The following MFNG variants were observed in gnomAD, a reference collection of about 807,000 sequenced individuals.
MFNG encodes beta-1,3-N-acetylglucosaminyltransferase manic fringe.
MFNG carries 24 observed loss-of-function variants against 34.2 expected under a neutral mutation model. The observed-to-expected ratio is 0.70, with a 90% CI of 0.51 to 0.99. MFNG has a LOEUF of 0.99. MFNG is among the 50% of genes least tolerant of loss of function. The pLI, the probability that MFNG is intolerant of heterozygous loss-of-function variation, is 0.00. For synonymous variants in MFNG, 158 were observed against 179.2 expected (o/e 0.88, Z 0.94); for missense variants, 383 against 424.0 (o/e 0.90, Z 0.85).
chr22:37,485,103 GC>G lies in MFNG; in HGVS notation c.255+819del, dbSNP rs1922481899. 6.6e-6 allele frequency among the ~76,000 whole-genome samples: 1 copy of G among 151,894 alleles called. No individual in the cohort carries two copies. The highest frequency in any genetic ancestry group is 1.5e-5 in the Non-Finnish European group (1 of 67,982). The stretch of plus-strand genomic sequence containing the variant: ...GAGGGAAAGGGCTGGAAGGGACTTG[GC>G]TCGCCGGAGCCGCACAGCCATGTGA... On this transcript the variant is annotated intron_variant, in intron 1 of 7. Transcript: ENST00000356998. This position sits in a 1 kb window ranked among gnomAD's most constrained non-coding sequence, Gnocchi z 5.3.
intron 5 of MFNG, among the ~76,000 whole-genome samples, chr22:37,475,315 C>T (rs565961511): frequency 1.3e-5 from 2 of 152,314 alleles, no homozygotes; most frequent in South Asian, 4.1e-4. Flanking sequence ...TCTCCGCCTC[C>T]TGGGTTTAAG....
At position 37,474,379 on chromosome 22, in the gene MFNG, T is replaced by G. The variant is rs183435363; in HGVS notation, c.813+133A>C. ...GCCACCCTAGGCCTCAGTTTCCCCATCAATAGGGAATACCCAAGACCCATA... is the reference window on the plus strand; with the variant it reads ...GCCACCCTAGGCCTCAGTTTCCCCAGCAATAGGGAATACCCAAGACCCATA... On this transcript the variant is annotated intron_variant, in intron 6 of 7. Coordinates refer to ENST00000356998, the MANE Select transcript of MFNG (RefSeq NM_002405.4). 3 of 1,079,322 alleles carry G rather than the reference T, an allele frequency of 2.8e-6. No individual in the cohort carries two copies. In the African/African-American group the frequency reaches 4.8e-5, roughly 17 times the overall value. 66.9% of individuals were successfully genotyped at this position (1,079,322 alleles called of 1,614,324 possible).
At position 37,485,893 on chromosome 22, in the gene MFNG, C is replaced by T; in HGVS notation, c.255+30G>A. On this transcript the variant is annotated intron_variant, in intron 1 of 7. Coordinates refer to ENST00000356998, the MANE Select transcript of MFNG (RefSeq NM_002405.4). The surrounding 1 kb of genome is among the most constrained non-coding windows in gnomAD (Gnocchi z 5.3). ...GAGAACCCCTTAGGCCAGGGGCCAC[C>T]CCCAGGGCCCAATGTCACCCACTTG... is the stretch of plus-strand genomic sequence containing the variant. 3 of 1,596,778 alleles carry T rather than the reference C, an allele frequency of 1.9e-6. No homozygotes were observed. Among genetic ancestry groups the T allele is most frequent in the Non-Finnish European group, 2.6e-6 (3 of 1,169,122 alleles).
rs887723852 is a variant in MFNG at position 37,483,543 on chromosome 22, G to A, written c.255+2380C>T. On this transcript the variant is annotated intron_variant, in intron 1 of 7. Transcript: ENST00000356998. The surrounding 1 kb of genome is among the most constrained non-coding windows in gnomAD (Gnocchi z 4.5). ...AAGCAGGAGAATAGGCACTTTGGGA[G>A]GCCAAGGCAGGTGGATCATTTGAGG... 6.6e-6 allele frequency among the ~76,000 whole-genome samples: 1 copy of A among 151,476 alleles called. No individual in the cohort carries two copies. Among genetic ancestry groups the A allele is most frequent in the Non-Finnish European group, 1.5e-5 (1 of 67,964 alleles).
At position 37,485,829 on chromosome 22, in the gene MFNG, T is replaced by G; in HGVS notation, c.255+94A>C. 7.0e-7 allele frequency: 1 copy of G among 1,424,142 alleles called. No individual in the cohort carries two copies. The highest frequency in any genetic ancestry group is 9.5e-7 in the Non-Finnish European group (1 of 1,057,296). The allele number at this position is 1,424,142 out of a possible 1,614,324, so 88.2% of individuals were successfully genotyped here. ...GGCAGGTATTGAGCAGCTTCTCCCA[T>G]GAGGCAGTCAGGGACCCCAGCCCAG... On this transcript the variant is annotated intron_variant, in intron 1 of 7. Transcript: ENST00000356998. The surrounding 1 kb of genome is among the most constrained non-coding windows in gnomAD (Gnocchi z 5.3).
Position 37,482,766 on chromosome 22 carries a change from C to G in MFNG, c.256-1997G>C, listed in dbSNP as rs920422458. Among the ~76,000 whole-genome samples the G allele has an allele frequency of 3.9e-5, 6 of 152,186 alleles. No homozygotes were observed. The highest frequency in any genetic ancestry group is 1.2e-4 in the African/African-American group (5 of 41,440). On this transcript the variant is annotated intron_variant, in intron 1 of 7. Coordinates refer to ENST00000356998, the MANE Select transcript of MFNG (RefSeq NM_002405.4). The surrounding 1 kb of genome is among the most constrained non-coding windows in gnomAD (Gnocchi z 4.1). ...TGTCTCCTTGCTCCGGCACCTGGCT[C>G]TCCTCAGGAAGGCCTGTGCAGCATC...
At chr22:37,471,544 A>G (rs985679308) in intron 7 of MFNG, among the ~76,000 whole-genome samples, 21 of 152,170 alleles carry the variant, frequency 1.4e-4, no homozygotes, top group African/African-American at 5.1e-4. Flanking sequence ...CACAAGCCAT[A>G]GCTGGGCCGG....
intron 3 of MFNG, 130 bp downstream of exon 3, chr22:37,480,067 G>A: frequency 1.5e-6 from 1 of 661,562 alleles, no homozygotes; most frequent in Non-Finnish European, 2.5e-6. Context: ...CTGGAACCCA[G>A]CTGGACTTCC....
chr22:37,472,570 G>A (rs772212024), intron 6 of MFNG, 42 bp from the exon 7 acceptor site: 5 of 1,514,982 alleles, frequency 3.3e-6, no homozygotes, highest in East Asian at 2.5e-5. Flanking sequence ...TCACACTGGG[G>A]ATCCCCACAA....
Position 37,482,460 on chromosome 22 carries a change from T to TACACAC in MFNG, c.256-1697_256-1692dup, listed in dbSNP as rs142031748. 4.7e-5 allele frequency among the ~76,000 whole-genome samples: 7 copies of TACACAC among 148,530 alleles called. No individual in the cohort carries two copies. The highest frequency in any genetic ancestry group is 9.0e-5 in the Non-Finnish European group (6 of 66,738). ...ACACACACGCACACACACGCACGCATACACACACACACACACACACGCACG... is the reference window on the plus strand; with the variant it reads ...ACACACACGCACACACACGCACGCATACACACACACACACACACACACACACGCACG... On this transcript the variant is annotated intron_variant, in intron 1 of 7. Coordinates refer to ENST00000356998, the MANE Select transcript of MFNG (RefSeq NM_002405.4). The surrounding 1 kb of genome is among the most constrained non-coding windows in gnomAD (Gnocchi z 4.1).
chr22:37,472,541 A>C lies in MFNG; in HGVS notation c.814-13T>G, dbSNP rs751121468. Reference sequence around the variant, plus strand: ...AGCTGAGGGTGACCTGGGCAGGGAGATAGAAGAGTGTTGGGGCATCACACT... The same window carrying C: ...AGCTGAGGGTGACCTGGGCAGGGAGCTAGAAGAGTGTTGGGGCATCACACT... On this transcript the variant is annotated splice_polypyrimidine_tract_variant and intron_variant, in intron 6 of 7. Transcript: ENST00000356998. 7 of 1,578,934 alleles carry C rather than the reference A, an allele frequency of 4.4e-6. No homozygotes were observed. The Admixed American group carries it at 1.3e-4, about 29-fold the overall frequency.
rs1292313042 is a variant in MFNG, at chr22:37,479,472, T to C, written c.434A>G (p.Asn145Ser). 6.2e-7 allele frequency: 1 copy of C among 1,610,806 alleles called. No individual in the cohort carries two copies. Among genetic ancestry groups the C allele is most frequent in the Non-Finnish European group, 8.5e-7 (1 of 1,178,604 alleles). Residue 145 changes from asparagine to serine, a missense_variant, in exon 4 of 8, where the codon AAC (asparagine) becomes AGC (serine). Asn to Ser is a conservative substitution (Grantham distance 46). Transcript: ENST00000356998. Reference protein sequence around the residue: ...LRWFCHVDDDNYVNPRALLQL... With the variant: ...LRWFCHVDDDSYVNPRALLQL... ...CAGCAGCGCCCTTGGGTTCACATAG[T>C]TGTCATCGTCCACATGGCAGAACCA...
At chr22:37,480,851 CCCAGATGGACT>C in intron 1 of MFNG, 82 bp from the exon 2 acceptor site, 1 of 1,222,116 alleles carries the variant, frequency 8.2e-7, no homozygotes, top group South Asian at 1.3e-5. Context: ...ACCACCAGGC[CCCAGATGGACT>C]CTGTACTCCT....
rs372665872 is a variant in MFNG at position 37,474,703 on chromosome 22, C to T, written c.648-26G>A. On this transcript the variant is annotated intron_variant, in intron 5 of 7. Coordinates refer to ENST00000356998, the MANE Select transcript of MFNG (RefSeq NM_002405.4). Reference sequence around the variant, plus strand: ...CTGAGGGACAGAGCCAGACTGCAGACGCTGGCCCAGGCCCTCCACACCCAG... The same window carrying T: ...CTGAGGGACAGAGCCAGACTGCAGATGCTGGCCCAGGCCCTCCACACCCAG... 2.3e-4 allele frequency: 364 copies of T among 1,563,208 alleles called. 1 individual carries two copies. Among genetic ancestry groups the T allele is most frequent in the Middle Eastern group, 1.4e-3 (8 of 5,818 alleles).
chr22:37,479,319 G>C, intron 4 of MFNG, 26 bp downstream of exon 4: 1 of 1,541,792 alleles, frequency 6.5e-7, no homozygotes, highest in Non-Finnish European at 8.7e-7. Flanking sequence ...CGGGCCAAGG[G>C]GCAAAGGAGG....
chr22:37,476,767 G>A, intron 5 of MFNG, 129 bp downstream of exon 5: 1 of 774,510 alleles, frequency 1.3e-6, no homozygotes, highest in Non-Finnish European at 2.1e-6. Flanking sequence ...GCCGCTCTGT[G>A]ACACACGCAA....
rs1922478951 is a variant in MFNG at position 37,485,052 on chromosome 22, T to G, written c.255+871A>C. ...TCCCTAACACCGACATCACTAACTT[T>G]GCTTAAGGAAGATACTGGATGCGAG... On this transcript the variant is annotated intron_variant, in intron 1 of 7. Transcript: ENST00000356998. This position sits in a 1 kb window ranked among gnomAD's most constrained non-coding sequence, Gnocchi z 5.3. Among the ~76,000 whole-genome samples, 2 of 151,988 alleles carry G rather than the reference T, an allele frequency of 1.3e-5. No homozygotes were observed. The highest frequency in any genetic ancestry group is 1.5e-5 in the Non-Finnish European group (1 of 67,988).
intron 7 of MFNG, among the ~76,000 whole-genome samples, chr22:37,470,320 C>G (rs748472444): frequency 6.6e-6 from 1 of 152,160 alleles, no homozygotes; most frequent in Non-Finnish European, 1.5e-5. Flanking sequence ...CAAATCACCC[C>G]CACTTGAGAA....
rs752451198 is a variant in MFNG, at chr22:37,480,302, G to T, written c.305-3C>A. 2.5e-6 allele frequency: 4 copies of T among 1,612,204 alleles called. No individual in the cohort carries two copies. Among genetic ancestry groups the T allele is most frequent in the South Asian group, 1.1e-5 (1 of 91,032 alleles). On this transcript the variant is annotated splice_region_variant and splice_polypyrimidine_tract_variant and intron_variant, in intron 2 of 7. Transcript: ENST00000356998. ...GTTGGTGACCACAAGGTGGGACCCTGGAGAAGTGAGGAGGAGTCAGGGGAC... is the reference window on the plus strand; with the variant it reads ...GTTGGTGACCACAAGGTGGGACCCTTGAGAAGTGAGGAGGAGTCAGGGGAC...
Sources: allele counts gnomAD v4.1 joint callset (sites outside exome capture counted in the v4.1 genomes callset), GRCh38; gene constraint gnomAD v4.1.1; non-coding constraint Gnocchi (gnomAD v3.1); transcripts MANE v1.5; gene names NCBI Gene and HGNC (gene_info 2026-07-23, HGNC 2026-07-21).